Variants in SKA3 observed in about 807,000 individuals in gnomAD.
SKA3 encodes the protein spindle and kinetochore associated complex subunit 3, also known as spindle and kinetochore-associated protein 3.
A neutral mutation model predicts 44.2 loss-of-function variants in SKA3; 39 were observed. That is an observed-to-expected ratio of 0.88 (90% confidence interval 0.68 to 1.15). The LOEUF is 1.15. SKA3 is among the 50% of genes most tolerant of loss of function. The pLI, the probability that SKA3 is intolerant of heterozygous loss-of-function variation, is 0.00. For missense variants in SKA3, 511 were observed against 485.8 expected (o/e 1.05, Z -0.49); for synonymous variants, 192 against 172.0 (o/e 1.12, Z -0.91).
chr13:21,155,528 T>C (rs947497344), intron 8 of SKA3, among the ~76,000 whole-genome samples, 165 bp downstream of exon 8: 2 of 152,012 alleles, frequency 1.3e-5, no homozygotes, highest in African/African-American at 4.8e-5. Context: ...TGCCTCAGCC[T>C]CCTGAGTAGC....
In SKA3 at chr13:21,155,813, T is replaced by TAAAA. The variant is rs11446085; in HGVS notation, c.1120-6_1120-3dup. 323 of 1,122,894 alleles carry TAAAA rather than the reference T, an allele frequency of 2.9e-4. 1 individual carries two copies. The highest frequency in any genetic ancestry group is 3.4e-4 in the Non-Finnish European group (260 of 772,872). 69.6% of individuals were successfully genotyped at this position (1,122,894 alleles called of 1,614,324 possible). A position where few individuals can be genotyped will look rare whatever the true frequency, so the allele number is the denominator to read the frequency against. On this transcript the variant is annotated splice_polypyrimidine_tract_variant and splice_region_variant and intron_variant, in intron 7 of 8. Transcript: ENST00000314759. ...GTTTGAGTTGTATTTTGATAAAAGCTAAAAAAAAAAAAGGAAATTCCTTTT... is the reference window on the plus strand; with the variant it reads ...GTTTGAGTTGTATTTTGATAAAAGCTAAAAAAAAAAAAAAAAGGAAATTCCTTTT...
rs187230841 is a variant in SKA3 at position 21,172,159 on chromosome 13, C to T, written c.331+180G>A. On this transcript the variant is annotated intron_variant, in intron 3 of 8. Transcript: ENST00000314759. ...AACAAGGACTGTTTTTATATTACACCCCTGATTAGCACTCCAAAAGCACAC... is the reference window on the plus strand; with the variant it reads ...AACAAGGACTGTTTTTATATTACACTCCTGATTAGCACTCCAAAAGCACAC... 8.9e-4 allele frequency: 367 copies of T among 413,096 alleles called. 1 individual carries two copies. Among genetic ancestry groups the T allele is most frequent in the African/African-American group, 7.0e-3 (342 of 48,560 alleles). 25.6% of individuals were successfully genotyped at this position (413,096 alleles called of 1,614,324 possible).
rs1212802748 is a variant in SKA3, at chr13:21,168,044, A to C, written c.687T>G (p.Thr229=). ...TTGTGTAATCTTCATTTAAACACAT[A>C]GTATATTCAGAGATACCAAAGTGTT... ...KLEHFGISEY[T]MCLNEDYTMG... is the part of the protein sequence containing the mutation. The change falls in exon 4 of 9, where the codon ACT becomes ACG. Residue 229 remains threonine (T), a synonymous_variant. Coordinates refer to ENST00000314759, the MANE Select transcript of SKA3 (RefSeq NM_145061.6). 1 of 1,610,282 alleles carries C rather than the reference A, an allele frequency of 6.2e-7. No homozygotes were observed.
intron 7 of SKA3, among the ~76,000 whole-genome samples, chr13:21,156,548 G>A (rs1221945029): frequency 6.6e-6 from 1 of 152,156 alleles, no homozygotes; most frequent in Non-Finnish European, 1.5e-5. Context: ...TAGGGAAGTG[G>A]AAACTATATA....
In SKA3 at chr13:21,176,417, C is replaced by T. The variant is rs373449460; in HGVS notation, c.61G>A (p.Glu21Lys). The T allele has an allele frequency of 3.8e-6, 6 of 1,585,048 alleles. No homozygotes were observed. Among genetic ancestry groups the T allele is most frequent in the South Asian group, 1.1e-5 (1 of 87,570 alleles). ...LRSLASTLDC[E>K]TARLQRALDG... ...AGCGCTCGCTGCAGCCGGGCCGTCT[C>T]GCAGTCCAGCGTGCTGGCCAGAGAC... The change falls in exon 1 of 9, where the codon GAG (glutamate) becomes AAG (lysine). Residue 21 changes from glutamate (E) to lysine (K), a missense_variant. Coordinates refer to ENST00000314759, the MANE Select transcript of SKA3 (RefSeq NM_145061.6).
rs181879406 is a variant in SKA3 at position 21,157,991 on chromosome 13, A to C, written c.1050T>G (p.Ser350=). 4.3e-5 allele frequency: 69 copies of C among 1,613,526 alleles called. No individual in the cohort carries two copies. The Admixed American group carries it at 8.3e-4, about 19-fold the overall frequency. The change falls in exon 7 of 9, where the codon TCT becomes TCG. Residue 350 remains serine, a synonymous_variant. Coordinates refer to ENST00000314759, the MANE Select transcript of SKA3 (RefSeq NM_145061.6). ...NLTDPSSPTI[S]SYENLLRTPT... ...GTGTTCTGAGCAGATTCTCATAAGAAGAAATCGTAGGTGAAGAGGGATCTG... is the reference window on the plus strand; with the variant it reads ...GTGTTCTGAGCAGATTCTCATAAGACGAAATCGTAGGTGAAGAGGGATCTG...
At chr13:21,168,428 C>A in intron 3 of SKA3, 29 bp from the exon 4 acceptor site, 2 of 1,174,590 alleles carry the variant, frequency 1.7e-6, no homozygotes, top group South Asian at 2.1e-5. Context: ...ATATTCTGGT[C>A]AAACTCAAAA....
Position 21,154,956 on chromosome 13 carries a change from TCAA to T in SKA3, c.*191_*193del. 1 of 874,928 alleles carries T rather than the reference TCAA, an allele frequency of 1.1e-6. No homozygotes were observed. The highest frequency in any genetic ancestry group is 2.6e-5 in the East Asian group (1 of 37,884). The allele number at this position is 874,928 out of a possible 1,614,324, so 54.2% of individuals were successfully genotyped here. A position where few individuals can be genotyped will look rare whatever the true frequency, so the allele number is the denominator to read the frequency against. ...AAAGAGTGAATGACTGGGCTACATGTCAACAAGACTAAGGTTAAACCTTATTGA... is the reference window on the plus strand; with the variant it reads ...AAAGAGTGAATGACTGGGCTACATGTCAAGACTAAGGTTAAACCTTATTGA... On this transcript the variant is annotated 3_prime_UTR_variant, in exon 9 of 9. Coordinates refer to ENST00000314759, the MANE Select transcript of SKA3 (RefSeq NM_145061.6).
At chr13:21,166,458 GCA>G (rs1870718639) in intron 4 of SKA3, among the ~76,000 whole-genome samples, 1 of 152,138 alleles carries the variant, frequency 6.6e-6, no homozygotes, top group Non-Finnish European at 1.5e-5. Flanking sequence ...CATAGGCCAG[GCA>G]CAGTGGCTCA....
intron 1 of SKA3, among the ~76,000 whole-genome samples, chr13:21,175,618 A>T (rs1429636255): frequency 2.0e-5 from 3 of 152,238 alleles, no homozygotes; most frequent in Non-Finnish European, 4.4e-5. Context: ...TCATTATATA[A>T]TTAAAGTAAA....
In SKA3 at chr13:21,167,851, AAAAT is replaced by A. The variant is rs1314079241; in HGVS notation, c.743+133_743+136del. ...CTGTTCCCCTAAAACCTATTGAAAT[AAAAT>A]AAATAAATAAATATCTGAAAACTTT... On this transcript the variant is annotated intron_variant, in intron 4 of 8. Transcript: ENST00000314759. 14 of 647,658 alleles carry A rather than the reference AAAAT, an allele frequency of 2.2e-5. No homozygotes were observed. In the East Asian group the frequency reaches 2.3e-4, roughly 11 times the overall value. 40.1% of individuals were successfully genotyped at this position (647,658 alleles called of 1,614,324 possible).
chr13:21,157,907 G>T lies in SKA3; in HGVS notation c.1119+15C>A, dbSNP rs765897513. 1.1e-5 allele frequency: 16 copies of T among 1,471,050 alleles called. No homozygotes were observed. The highest frequency in any genetic ancestry group is 2.2e-5 in the Admixed American group (1 of 45,578). 91.1% of individuals were successfully genotyped at this position (1,471,050 alleles called of 1,614,324 possible). On this transcript the variant is annotated intron_variant, in intron 7 of 8. Transcript: ENST00000314759. ...ATATCAGCAAAAAAAAAAAAAAATA[G>T]CCTGGAAAAATAACCTGGAGAATAT...
rs1404405701 is a variant in SKA3 at position 21,168,161 on chromosome 13, G to A, written c.570C>T (p.Thr190=). The A allele has an allele frequency of 1.2e-6, 2 of 1,613,946 alleles. No homozygotes were observed. Among genetic ancestry groups the A allele is most frequent in the African/African-American group, 1.3e-5 (1 of 74,900 alleles). ...NNYKEEPVIV[T]PPTKQSLVKV... The stretch of plus-strand genomic sequence containing the variant: ...TTACTAGTGATTGTTTGGTAGGTGG[G>A]GTTACAATTACGGGCTCTTCCTTAT... The change falls in exon 4 of 9, where the codon ACC becomes ACT. Residue 190 remains threonine, a synonymous_variant. Transcript: ENST00000314759.
chr13:21,169,313 C>T (rs9552379), intron 3 of SKA3, among the ~76,000 whole-genome samples: 48,966 of 151,906 alleles, frequency 0.32, 8,729 homozygotes, highest in African/African-American at 0.47. Flanking sequence ...CGGCTCACTG[C>T]AGCCTCAACC....
intron 2 of SKA3, 29 bp downstream of exon 2, chr13:21,172,591 A>G (rs750389769): frequency 1.4e-6 from 2 of 1,420,482 alleles, no homozygotes; most frequent in Non-Finnish European, 9.3e-7. Flanking sequence ...CCACAGAAAA[A>G]TAATAAATCA....
intron 4 of SKA3, among the ~76,000 whole-genome samples, chr13:21,165,575 A>G (rs1230953073): frequency 6.6e-6 from 1 of 152,108 alleles, no homozygotes; most frequent in Admixed American, 6.6e-5. Flanking sequence ...TAGGTACAAA[A>G]TGGCCTAGAA....
In SKA3 at chr13:21,168,305, A is replaced by G; in HGVS notation, c.426T>C (p.Pro142=). 2 of 1,614,228 alleles carry G rather than the reference A, an allele frequency of 1.2e-6. No individual in the cohort carries two copies. Among genetic ancestry groups the G allele is most frequent in the Non-Finnish European group, 1.7e-6 (2 of 1,180,032 alleles). The part of the protein sequence containing the change: ...TDVKDDLSDP[P]VASSCISEKS... ...TCTCAGAAATACAACTGCTTGCAACAGGAGGATCAGACAGATCATCTTTCA... is the reference window on the plus strand; with the variant it reads ...TCTCAGAAATACAACTGCTTGCAACGGGAGGATCAGACAGATCATCTTTCA... Residue 142 remains proline (P), a synonymous_variant, in exon 4 of 9, where the codon CCT becomes CCC. Transcript: ENST00000314759.
At position 21,159,974 on chromosome 13, in the gene SKA3, G is replaced by A; in HGVS notation, c.843C>T (p.Thr281=). ...QQLEKSDAEY[T]NSPLVPTFCT... ...AGAATGTAGGTACCAAAGGAGAGTTGGTATATTCGGCATCTAAAAGACACA... is the reference window on the plus strand; with the variant it reads ...AGAATGTAGGTACCAAAGGAGAGTTAGTATATTCGGCATCTAAAAGACACA... The change falls in exon 6 of 9, where the codon ACC becomes ACT. Residue 281 remains threonine, a synonymous_variant. Coordinates refer to ENST00000314759, the MANE Select transcript of SKA3 (RefSeq NM_145061.6). The A allele has an allele frequency of 6.2e-7, 1 of 1,602,566 alleles. No homozygotes were observed. The highest frequency in any genetic ancestry group is 8.5e-7 in the Non-Finnish European group (1 of 1,175,202).
chr13:21,159,761 C>A (rs1248374201), intron 6 of SKA3, 141 bp downstream of exon 6: 1 of 531,862 alleles, frequency 1.9e-6, no homozygotes, highest in Non-Finnish European at 3.3e-6. Context: ...TGCCAAGCTA[C>A]CCTCCAGAAA....
Sources: allele counts gnomAD v4.1 joint callset (sites outside exome capture counted in the v4.1 genomes callset), GRCh38; gene constraint gnomAD v4.1.1; transcripts MANE v1.5; gene names NCBI Gene and HGNC (gene_info 2026-07-23, HGNC 2026-07-21).